The following SLC24A2 variants were observed in gnomAD, a reference collection of about 807,000 sequenced individuals.
SLC24A2 encodes sodium/potassium/calcium exchanger 2.
Under a neutral mutation model 62.0 loss-of-function variants are expected in SLC24A2, and 36 were observed. The ratio of observed to expected loss-of-function variants is 0.58; its 90% CI spans 0.44 to 0.77. SLC24A2 has a LOEUF of 0.77. Among genes scored for constraint, SLC24A2 ranks in the 30% least tolerant of loss-of-function variants. The pLI, the probability that SLC24A2 is intolerant of heterozygous loss-of-function variation, is 0.00. For missense variants in SLC24A2, 846 were observed against 817.9 expected, an observed-to-expected ratio of 1.03 and a Z score of -0.42; for synonymous variants, 358 against 294.0, an observed-to-expected ratio of 1.22 and a Z score of -2.23.
chr9:19,719,859 CTG>C (rs1365491978), intron 2 of SLC24A2, among the ~76,000 whole-genome samples: 5 of 152,256 alleles, frequency 3.3e-5, no homozygotes, highest in Non-Finnish European at 7.4e-5. Flanking sequence ...CACCTAGAAA[CTG>C]TGTTCATCAA....
intron 2 of SLC24A2, among the ~76,000 whole-genome samples, chr9:19,624,492 C>A (rs766341088): frequency 1.3e-5 from 2 of 152,118 alleles, no homozygotes; most frequent in African/African-American, 4.8e-5. Context: ...TCTACTCTAT[C>A]GACTTCCTTT....
the SLC24A2 span, among the ~76,000 whole-genome samples, chr9:20,163,200 T>C: frequency 2.0e-5 from 3 of 152,176 alleles, no homozygotes; most frequent in Admixed American, 2.0e-4. Context: ...TGTCCCTGTT[T>C]GCAGATGACA....
At chr9:20,019,253 G>GAAAGAAAGAAAGAA in the SLC24A2 span, among the ~76,000 whole-genome samples, 1 of 109,640 alleles carries the variant, frequency 9.1e-6, no homozygotes, top group Non-Finnish European at 1.9e-5. Context: ...AAGAAGGAAA[G>GAAAGAAAGAAAGAA]AGAAAGAAAG....
chr9:19,880,499 T>C, the SLC24A2 span, among the ~76,000 whole-genome samples: 2 of 152,198 alleles, frequency 1.3e-5, no homozygotes, highest in South Asian at 2.1e-4. Context: ...TCTTAGCACA[T>C]AGTACAGTCT....
the SLC24A2 span, among the ~76,000 whole-genome samples, chr9:20,077,484 G>C: frequency 6.6e-6 from 1 of 152,106 alleles, no homozygotes; most frequent in African/African-American, 2.4e-5. Flanking sequence ...AGGCAGTTGT[G>C]TTCTACCTCA....
chr9:20,005,887 AG>A, the SLC24A2 span, among the ~76,000 whole-genome samples: 2 of 151,534 alleles, frequency 1.3e-5, no homozygotes, highest in Non-Finnish European at 2.9e-5. Flanking sequence ...AAGACAGAAA[AG>A]AAACAAGTTT....
At chr9:20,176,187 T>G in the SLC24A2 span, among the ~76,000 whole-genome samples, 1 of 152,058 alleles carries the variant, frequency 6.6e-6, no homozygotes, top group Non-Finnish European at 1.5e-5. Context: ...GAAGCTCAGA[T>G]TTGTTAGGTG....
At chr9:20,235,055 G>A in the SLC24A2 span, among the ~76,000 whole-genome samples, 2 of 152,210 alleles carry the variant, frequency 1.3e-5, no homozygotes, top group African/African-American at 2.4e-5. Flanking sequence ...TTGGTGAAAC[G>A]CAAATGCTGC....
At chr9:20,295,048 A>C in the SLC24A2 span, among the ~76,000 whole-genome samples, 1 of 146,450 alleles carries the variant, frequency 6.8e-6, no homozygotes, top group Non-Finnish European at 1.5e-5. Flanking sequence ...ATATATATAT[A>C]TATATACACA....
chr9:19,594,243 T>A (rs973024958), intron 5 of SLC24A2, among the ~76,000 whole-genome samples: 5 of 151,988 alleles, frequency 3.3e-5, no homozygotes, highest in Admixed American at 1.3e-4. Flanking sequence ...CCGTGTGTTA[T>A]TTTTTCCCCC....
intron 9 of SLC24A2, among the ~76,000 whole-genome samples, chr9:19,524,531 TTGA>T (rs528762340): frequency 8.0e-4 from 122 of 152,282 alleles, no homozygotes; most frequent in Non-Finnish European, 1.5e-3. Flanking sequence ...GATAAAAGTG[TTGA>T]TAACAAAAGA....
the SLC24A2 span, among the ~76,000 whole-genome samples, chr9:20,291,610 AC>A: frequency 2.0e-5 from 3 of 151,660 alleles, no homozygotes; most frequent in Admixed American, 2.0e-4. Flanking sequence ...CCTTATGATG[AC>A]CCCCCACCAC....
the SLC24A2 span, among the ~76,000 whole-genome samples, chr9:19,851,433 C>A: frequency 6.6e-6 from 1 of 152,012 alleles, no homozygotes; most frequent in African/African-American, 2.4e-5. Context: ...ACCTGTCAAC[C>A]CATCACCTAG....
At chr9:19,654,540 T>G (rs1818890112) in intron 2 of SLC24A2, among the ~76,000 whole-genome samples, 1 of 152,178 alleles carries the variant, frequency 6.6e-6, no homozygotes, top group Non-Finnish European at 1.5e-5. Context: ...TTAGATATAT[T>G]ATCCATGAAT....
chr9:20,216,691 T>A, the SLC24A2 span, among the ~76,000 whole-genome samples: 1 of 152,192 alleles, frequency 6.6e-6, no homozygotes, highest in Non-Finnish European at 1.5e-5. Flanking sequence ...CTGTTCTTTG[T>A]TAGTATCAAT....
chr9:19,575,888 G>A (rs1835995731), intron 6 of SLC24A2, among the ~76,000 whole-genome samples: 2 of 152,110 alleles, frequency 1.3e-5, no homozygotes, highest in South Asian at 4.2e-4. Flanking sequence ...AGACTTTCAT[G>A]GTGTGGCTTT....
the SLC24A2 span, among the ~76,000 whole-genome samples, chr9:20,243,287 T>C: frequency 6.6e-6 from 1 of 152,242 alleles, no homozygotes; most frequent in African/African-American, 2.4e-5. Flanking sequence ...CATAAAATCC[T>C]CTTCTCATGA....
chr9:20,256,921 T>TACACACACAC, the SLC24A2 span, among the ~76,000 whole-genome samples: 407 of 119,962 alleles, frequency 3.4e-3, 2 homozygotes, highest in African/African-American at 7.9e-3. Context: ...CTCCAGCATG[T>TACACACACAC]ACACACACAC....
chr9:20,086,480 G>T, the SLC24A2 span, among the ~76,000 whole-genome samples: 3 of 152,180 alleles, frequency 2.0e-5, no homozygotes, highest in Non-Finnish European at 4.4e-5. Flanking sequence ...TCCTGATCTT[G>T]TTATAGTGGC....
Sources: allele counts gnomAD v4.1 joint callset (sites outside exome capture counted in the v4.1 genomes callset), GRCh38; gene constraint gnomAD v4.1.1; transcripts MANE v1.5; gene names NCBI Gene and HGNC (gene_info 2026-07-23, HGNC 2026-07-21).